Variants in PRPF18 observed in about 807,000 individuals in gnomAD.
The protein encoded by PRPF18 is pre-mRNA processing factor 18.
PRPF18 carries 38 observed loss-of-function variants against 46.5 expected under a neutral mutation model. The ratio of observed to expected loss-of-function variants is 0.82; its 90% CI spans 0.63 to 1.07. The LOEUF (loss-of-function observed/expected upper bound fraction) is 1.07. PRPF18 is among the 50% of genes least tolerant of loss of function. The pLI is 0.00. For missense variants in PRPF18, 263 were observed against 410.0 expected (o/e 0.64, Z 3.10); for synonymous variants, 152 against 146.7 (o/e 1.04, Z -0.26).
chr10:13,601,190 G>C (rs1564453094), intron 3 of PRPF18, among the ~76,000 whole-genome samples: 1 of 152,170 alleles, frequency 6.6e-6, no homozygotes, highest in Non-Finnish European at 1.5e-5. Flanking sequence ...ATAATAATGT[G>C]TGATTATTTC....
At chr10:13,591,904 A>G (rs753468836) in intron 1 of PRPF18, 9 of 1,404,504 alleles carry the variant, frequency 6.4e-6, no homozygotes, top group African/African-American at 4.4e-5. Flanking sequence ...GCTGGTTCGC[A>G]GTTTTCTCAC....
chr10:13,655,014 TCTG>T, the PRPF18 span: 1 of 159,736 alleles, frequency 6.3e-6, no homozygotes, highest in African/African-American at 2.4e-5. Flanking sequence ...GCCTGCTCTC[TCTG>T]CTGTTTCAGG....
At chr10:13,641,456 A>AT in the PRPF18 span, 1 of 152,230 alleles carries the variant, frequency 6.6e-6, no homozygotes, top group Non-Finnish European at 1.5e-5. Flanking sequence ...GGATATAGGG[A>AT]TAAATATCAG....
chr10:13,614,141 G>A (rs899811193), intron 8 of PRPF18, 55 bp downstream of exon 8: 11 of 1,270,828 alleles, frequency 8.7e-6, no homozygotes, highest in Middle Eastern at 2.3e-4. Flanking sequence ...GGTTATGTAC[G>A]TAATATAATG....
At chr10:13,621,943 G>A (rs1400177880) in intron 9 of PRPF18, among the ~76,000 whole-genome samples, 1 of 152,158 alleles carries the variant, frequency 6.6e-6, no homozygotes, top group African/African-American at 2.4e-5. Flanking sequence ...TCTGTCCATG[G>A]AACATTTGTG....
the PRPF18 span, chr10:13,646,945 C>T: frequency 5.5e-5 from 54 of 976,036 alleles, no homozygotes; most frequent in Non-Finnish European, 6.5e-5. Context: ...ACACGAGGGT[C>T]CCGGGCTTGG....
chr10:13,620,954 A>C (rs571738317), intron 9 of PRPF18, among the ~76,000 whole-genome samples: 1 of 152,248 alleles, frequency 6.6e-6, no homozygotes, highest in Non-Finnish European at 1.5e-5. Context: ...GGTTAGGTAG[A>C]AATTGGTGGT....
At chr10:13,588,739 G>A (rs1281775820) in intron 1 of PRPF18, among the ~76,000 whole-genome samples, 1 of 152,154 alleles carries the variant, frequency 6.6e-6, no homozygotes, top group East Asian at 1.9e-4. Context: ...TACTAAAAAG[G>A]GGGAGAAAGA....
chr10:13,646,989 G>T, the PRPF18 span: 39 of 983,944 alleles, frequency 4.0e-5, no homozygotes, highest in Non-Finnish European at 4.3e-5. Flanking sequence ...ACATCAGCTA[G>T]TTCTGGATAG....
At chr10:13,604,168 G>A (rs982745297) in intron 3 of PRPF18, among the ~76,000 whole-genome samples, 1 of 152,196 alleles carries the variant, frequency 6.6e-6, no homozygotes, top group South Asian at 2.1e-4. Context: ...GATAGCACTA[G>A]ATGACCTCTT....
chr10:13,652,121 T>C, the PRPF18 span: 1 of 671,582 alleles, frequency 1.5e-6, no homozygotes, highest in Non-Finnish European at 2.7e-6. Flanking sequence ...ATCATACAAG[T>C]CATGCAGTAC....
chr10:13,602,204 G>A (rs1478147281), intron 3 of PRPF18, among the ~76,000 whole-genome samples: 1 of 152,172 alleles, frequency 6.6e-6, no homozygotes, highest in Non-Finnish European at 1.5e-5. Flanking sequence ...AAACTGATGG[G>A]TGAAATAGGT....
chr10:13,652,444 TAG>T, the PRPF18 span: 1 of 166,474 alleles, frequency 6.0e-6, no homozygotes, highest in African/African-American at 2.4e-5. Flanking sequence ...TTGGAAGATC[TAG>T]AGAGGGATCT....
intron 8 of PRPF18, 133 bp from the exon 9 acceptor site, chr10:13,616,265 A>G: frequency 1.2e-6 from 1 of 864,210 alleles, no homozygotes; most frequent in South Asian, 1.8e-5. Flanking sequence ...AATAACAGTC[A>G]TGGTAATATT....
intron 1 of PRPF18, among the ~76,000 whole-genome samples, chr10:13,588,769 T>A (rs1403549920): frequency 6.6e-6 from 1 of 152,168 alleles, no homozygotes. Flanking sequence ...TTTAGGAACT[T>A]CCTGAAGATG....
intron 6 of PRPF18, among the ~76,000 whole-genome samples, chr10:13,611,901 CAG>C (rs754282743): frequency 7.1e-6 from 1 of 141,710 alleles, no homozygotes; most frequent in African/African-American, 2.6e-5. Context: ...TTTTTGGAAA[CAG>C]AGTCTTGCTC....
chr10:13,601,623 A>T (rs192129523), intron 3 of PRPF18, among the ~76,000 whole-genome samples: 62 of 152,262 alleles, frequency 4.1e-4, no homozygotes, highest in African/African-American at 1.4e-3. Context: ...CTTTTCACTT[A>T]AAAGTACATT....
chr10:13,597,758 T>C lies in PRPF18; in HGVS notation c.144+223T>C, dbSNP rs2478115. 6,795 of 1,177,790 alleles carry C rather than the reference T, an allele frequency of 5.8e-3. 290 individuals carry two copies. In the African/African-American group the frequency reaches 0.09, roughly 16 times the overall value. 73.0% of individuals were successfully genotyped at this position (1,177,790 alleles called of 1,614,324 possible). A position where few individuals can be genotyped will look rare whatever the true frequency, so the allele number is the denominator to read the frequency against. ...CTTTTGGCTTGGAATGGTTTGGCTT[T>C]TTGTGGACGGCATGAAGTGGCTTGA... is the stretch of plus-strand genomic sequence containing the variant. On this transcript the variant is annotated intron_variant, in intron 2 of 9. Coordinates refer to ENST00000378572, the MANE Select transcript of PRPF18 (RefSeq NM_003675.4).
chr10:13,610,349 C>T (rs2080252966), intron 5 of PRPF18, among the ~76,000 whole-genome samples, 164 bp downstream of exon 5: 1 of 152,084 alleles, frequency 6.6e-6, no homozygotes, highest in Non-Finnish European at 1.5e-5. Flanking sequence ...TTCTCATCCT[C>T]CACTCACATT....
Sources: gnomAD v4.1 joint callset for allele counts (sites outside exome capture counted in the v4.1 genomes callset) on GRCh38, gnomAD v4.1.1 for gene constraint, MANE v1.5 for transcripts, NCBI Gene and HGNC (gene_info 2026-07-23, HGNC 2026-07-21) for gene names.